NRXN1: variants seen among roughly 807,000 people sequenced by gnomAD.
NRXN1 encodes neurexin-1.
In NRXN1, 39 loss-of-function variants were observed where a neutral mutation model predicts 150.9. The observed-to-expected ratio is 0.26, with a 90% confidence interval of 0.20 to 0.34. The LOEUF is 0.34. Ranked by LOEUF, NRXN1 falls within the 10% of genes least tolerant of loss-of-function variation. The pLI is 1.00. For synonymous variants in NRXN1, 924 were observed against 757.0 expected (o/e 1.22, Z -3.62); for missense variants, 1,815 against 1,949.9 (o/e 0.93, Z 1.30).
At chr2:49,926,577 C>G (rs1192134610) in intron 22 of NRXN1, among the ~76,000 whole-genome samples, 2 of 152,066 alleles carry the variant, frequency 1.3e-5, no homozygotes, top group Admixed American at 1.3e-4. Flanking sequence ...GGAAAATGAA[C>G]AGTTACTACT....
At chr2:50,704,226 C>T (rs1694135516) in intron 5 of NRXN1, among the ~76,000 whole-genome samples, 1 of 152,028 alleles carries the variant, frequency 6.6e-6, no homozygotes, top group South Asian at 2.1e-4. Context: ...AAGATTGATA[C>T]TAATCCAAAT....
chr2:50,654,029 T>A (rs1215578124), intron 5 of NRXN1, among the ~76,000 whole-genome samples: 4 of 151,344 alleles, frequency 2.6e-5, no homozygotes, highest in Non-Finnish European at 1.5e-5. Flanking sequence ...TTATTCATTC[T>A]TTTTCTCTTT....
At chr2:50,253,170 G>A (rs1359465212) in intron 17 of NRXN1, among the ~76,000 whole-genome samples, 1 of 152,002 alleles carries the variant, frequency 6.6e-6, no homozygotes, top group East Asian at 1.9e-4. Context: ...TGTTTTTGTA[G>A]TAATTGTGAA....
intron 9 of NRXN1, among the ~76,000 whole-genome samples, chr2:50,550,636 T>C (rs956941382): frequency 6.6e-6 from 1 of 151,926 alleles, no homozygotes; most frequent in African/African-American, 2.4e-5. Flanking sequence ...GTTATATTTT[T>C]GCATTCCCAT....
intron 5 of NRXN1, among the ~76,000 whole-genome samples, chr2:50,713,518 T>C (rs971995112): frequency 1.3e-5 from 2 of 152,098 alleles, no homozygotes; most frequent in South Asian, 4.1e-4. Flanking sequence ...GCATCAATTA[T>C]GGCTGACTGA....
At position 50,795,038 on chromosome 2, in the gene NRXN1, T is replaced by C. The variant is rs868317336; in HGVS notation, c.832+126831A>G. On this transcript the variant is annotated intron_variant, in intron 5 of 22. Transcript: ENST00000401669. ...ATCCTTGTTTACATTTCCCTACCTA[T>C]CTCTGTGCATTACTATCAAGGAATT... is the stretch of plus-strand genomic sequence containing the variant. Among the ~76,000 whole-genome samples the C allele has an allele frequency of 3.3e-5, 5 of 152,238 alleles. No homozygotes were observed. In the South Asian group the frequency reaches 1.0e-3, roughly 32 times the overall value.
chr2:50,737,176 C>A (rs536374818), intron 5 of NRXN1, among the ~76,000 whole-genome samples: 24 of 151,954 alleles, frequency 1.6e-4, no homozygotes, highest in Middle Eastern at 6.8e-3. Flanking sequence ...GCCTGGACAA[C>A]AAGAGCAAAA....
At chr2:50,780,301 T>G (rs1704201049) in intron 5 of NRXN1, among the ~76,000 whole-genome samples, 1 of 152,204 alleles carries the variant, frequency 6.6e-6, no homozygotes, top group African/African-American at 2.4e-5. Context: ...ACAGATTGCT[T>G]TGTAATGTGG....
At chr2:50,911,841 G>A (rs1418359728) in intron 5 of NRXN1, among the ~76,000 whole-genome samples, 1 of 151,796 alleles carries the variant, frequency 6.6e-6, no homozygotes, top group Non-Finnish European at 1.5e-5. Context: ...TCTACACAAT[G>A]AAAATTTTAA....
chr2:50,270,784 C>T (rs2069508363), intron 17 of NRXN1, among the ~76,000 whole-genome samples: 2 of 151,864 alleles, frequency 1.3e-5, no homozygotes, highest in Admixed American at 1.3e-4. Context: ...ATTCTCCTGC[C>T]TCAGCTTACC....
chr2:50,596,498 T>C (rs1274463496), intron 8 of NRXN1, among the ~76,000 whole-genome samples: 4 of 152,184 alleles, frequency 2.6e-5, no homozygotes, highest in African/African-American at 7.2e-5. Context: ...ATTATGCAAT[T>C]TGCCAAAACT....
At chr2:50,466,709 G>GTA (rs1197033307) in intron 16 of NRXN1, among the ~76,000 whole-genome samples, 10 of 151,708 alleles carry the variant, frequency 6.6e-5, no homozygotes, top group Middle Eastern at 3.4e-3. Context: ...TTGTACATAT[G>GTA]TATATATATA....
At chr2:50,356,071 A>G (rs552854861) in intron 17 of NRXN1, among the ~76,000 whole-genome samples, 1 of 152,288 alleles carries the variant, frequency 6.6e-6, no homozygotes, top group African/African-American at 2.4e-5. Context: ...CTTCAAAAAA[A>G]AAAAGAAAGT....
intron 19 of NRXN1, among the ~76,000 whole-genome samples, chr2:50,077,295 T>A (rs1697263390): frequency 6.6e-6 from 1 of 152,190 alleles, no homozygotes. Context: ...TTCTGTTACC[T>A]CTTCACCCCA....
At chr2:50,636,723 G>C (rs998691351) in intron 5 of NRXN1, among the ~76,000 whole-genome samples, 3 of 152,126 alleles carry the variant, frequency 2.0e-5, no homozygotes, top group Non-Finnish European at 2.9e-5. Context: ...ATATGGAAAG[G>C]CCTGGTATTC....
At chr2:49,948,243 A>G (rs1673305643) in intron 21 of NRXN1, among the ~76,000 whole-genome samples, 1 of 152,084 alleles carries the variant, frequency 6.6e-6, no homozygotes, top group South Asian at 2.1e-4. Context: ...GCTTTGTTTT[A>G]AAAGCTGACC....
chr2:50,979,417 AG>A, intron 2 of NRXN1: 1 of 397,122 alleles, frequency 2.5e-6, no homozygotes, highest in Non-Finnish European at 5.0e-6. Flanking sequence ...GATACTAGCC[AG>A]TTATTCAGGA....
At chr2:50,123,026 A>G (rs77533719) in intron 18 of NRXN1, among the ~76,000 whole-genome samples, 1,853 of 152,304 alleles carry the variant, frequency 0.012, 38 homozygotes, top group African/African-American at 0.042. Context: ...TACTCAATTT[A>G]TTAGTAGTAA....
At position 50,688,943 on chromosome 2, in the gene NRXN1, C is replaced by T. The variant is rs151290454; in HGVS notation, c.833-65328G>A. Among the ~76,000 whole-genome samples, 57 of 152,168 alleles carry T rather than the reference C, an allele frequency of 3.7e-4. No homozygotes were observed. The East Asian group carries it at 9.5e-3, about 25-fold the overall frequency. On this transcript the variant is annotated intron_variant, in intron 5 of 22. Transcript: ENST00000401669. ...CACACTAAGCTATGCTTGCTTCCTC[C>T]GAACACATTTAAGTGGATTCTTTTT...
Sources: gnomAD v4.1 joint callset for allele counts (sites outside exome capture counted in the v4.1 genomes callset) on GRCh38, gnomAD v4.1.1 for gene constraint, MANE v1.5 for transcripts, NCBI Gene and HGNC (gene_info 2026-07-23, HGNC 2026-07-21) for gene names.